Variants in ZNF385D observed in about 807,000 individuals in gnomAD.
ZNF385D encodes zinc finger protein 659.
In ZNF385D, 15 loss-of-function variants were observed where a neutral mutation model predicts 35.8. The observed-to-expected ratio is 0.42, with a 90% CI of 0.28 to 0.64. ZNF385D has a LOEUF of 0.64. Among genes scored for constraint, ZNF385D ranks in the 30% least tolerant of loss-of-function variants. The pLI is 0.23. For missense variants in ZNF385D, 474 were observed against 494.6 expected, an observed-to-expected ratio of 0.96 and a Z score of 0.39; for synonymous variants, 212 against 186.8, an observed-to-expected ratio of 1.13 and a Z score of -1.10.
At chr3:21,882,551 T>C (rs889658320) in intron 3 of ZNF385D, among the ~76,000 whole-genome samples, 9 of 152,162 alleles carry the variant, frequency 5.9e-5, no homozygotes, top group Admixed American at 2.0e-4. Flanking sequence ...ATTTGTTTTA[T>C]TGTGGTTGTT....
chr3:22,105,966 T>C (rs1355930093), intron 3 of ZNF385D, among the ~76,000 whole-genome samples: 1 of 152,212 alleles, frequency 6.6e-6, no homozygotes, highest in East Asian at 1.9e-4. Flanking sequence ...TTTTGAGTAA[T>C]CATAAATAAC....
intron 3 of ZNF385D, among the ~76,000 whole-genome samples, chr3:22,045,922 T>C (rs75112654): frequency 0.023 from 3,476 of 152,082 alleles, 56 homozygotes; most frequent in Non-Finnish European, 0.036. Context: ...TTTCTCTATC[T>C]CCAAGCCCCA....
At chr3:22,297,337 G>A (rs1005782255) in intron 2 of ZNF385D, among the ~76,000 whole-genome samples, 1 of 152,010 alleles carries the variant, frequency 6.6e-6, no homozygotes, top group Non-Finnish European at 1.5e-5. Context: ...TCTGAAAAAA[G>A]CTATCTTTTG....
chr3:21,663,100 A>G (rs1396962929), intron 2 of ZNF385D, among the ~76,000 whole-genome samples: 1 of 152,070 alleles, frequency 6.6e-6, no homozygotes, highest in Non-Finnish European at 1.5e-5. Context: ...CTTGACCAAC[A>G]CACAACGCTG....
At chr3:22,315,404 G>T (rs2125435955) in intron 2 of ZNF385D, among the ~76,000 whole-genome samples, 1 of 152,270 alleles carries the variant, frequency 6.6e-6, no homozygotes, top group African/African-American at 2.4e-5. Context: ...CTGACCTACG[G>T]ATGGTATTTT....
chr3:21,760,232 T>C (rs1007817443), intron 3 of ZNF385D, among the ~76,000 whole-genome samples: 1 of 152,164 alleles, frequency 6.6e-6, no homozygotes, highest in African/African-American at 2.4e-5. Context: ...GTTCTGGAAA[T>C]CTGCAGTATT....
At chr3:21,931,113 A>C (rs1191353862) in intron 3 of ZNF385D, among the ~76,000 whole-genome samples, 1 of 152,172 alleles carries the variant, frequency 6.6e-6, no homozygotes, top group East Asian at 1.9e-4. Context: ...CCAATAATAA[A>C]AAGACAAATA....
chr3:22,105,371 A>C (rs1015433203), intron 3 of ZNF385D, among the ~76,000 whole-genome samples: 7 of 151,946 alleles, frequency 4.6e-5, no homozygotes, highest in African/African-American at 1.7e-4. Context: ...ATATATCTAT[A>C]TCTCTCTCTA....
intron 3 of ZNF385D, among the ~76,000 whole-genome samples, chr3:22,124,931 A>C (rs1027979156): frequency 5.3e-5 from 8 of 151,890 alleles, no homozygotes; most frequent in African/African-American, 1.2e-4. Flanking sequence ...ATGTGACCCC[A>C]TTTGTCCAAT....
chr3:22,143,472 C>G (rs944781032), intron 3 of ZNF385D, among the ~76,000 whole-genome samples: 3 of 152,150 alleles, frequency 2.0e-5, no homozygotes, highest in African/African-American at 4.8e-5. Context: ...CACCTCTGTG[C>G]TCTCCAGAAG....
chr3:22,101,281 G>T (rs1299949732), intron 3 of ZNF385D, among the ~76,000 whole-genome samples: 2 of 151,890 alleles, frequency 1.3e-5, no homozygotes. Flanking sequence ...GATATATAAA[G>T]GGCTATAAGT....
intron 2 of ZNF385D, among the ~76,000 whole-genome samples, chr3:22,317,651 A>C (rs1477411581): frequency 5.3e-5 from 8 of 152,320 alleles, no homozygotes; most frequent in Admixed American, 3.9e-4. Flanking sequence ...CCTAGGAATA[A>C]GGGTAGGTAA....
intron 4 of ZNF385D, among the ~76,000 whole-genome samples, chr3:21,504,122 T>G (rs1453706818): frequency 6.6e-6 from 1 of 152,164 alleles, no homozygotes; most frequent in Middle Eastern, 3.2e-3. Context: ...GGGAGAAATG[T>G]TCTCAGACTT....
At chr3:21,947,772 A>AT (rs1274440987) in intron 3 of ZNF385D, among the ~76,000 whole-genome samples, 1 of 152,150 alleles carries the variant, frequency 6.6e-6, no homozygotes. Context: ...AAATATATCA[A>AT]TTTTTTAAAT....
chr3:21,855,220 T>C (rs957769413), intron 3 of ZNF385D, among the ~76,000 whole-genome samples: 3 of 152,044 alleles, frequency 2.0e-5, no homozygotes, highest in Non-Finnish European at 4.4e-5. Context: ...CCTTGCATAC[T>C]GTCTCAAAAT....
chr3:21,853,970 T>C (rs1277956028), intron 3 of ZNF385D, among the ~76,000 whole-genome samples: 3 of 151,850 alleles, frequency 2.0e-5, no homozygotes, highest in Non-Finnish European at 4.4e-5. Flanking sequence ...AATAATTTAA[T>C]ATTCTGGGAT....
intron 3 of ZNF385D, among the ~76,000 whole-genome samples, chr3:22,101,338 A>C (rs957556018): frequency 3.9e-5 from 6 of 152,174 alleles, no homozygotes; most frequent in Admixed American, 3.3e-4. Context: ...ATAGATACAC[A>C]TACATAACCT....
chr3:21,930,023 A>C (rs896926763), intron 3 of ZNF385D, among the ~76,000 whole-genome samples: 3 of 152,088 alleles, frequency 2.0e-5, no homozygotes, highest in Admixed American at 6.6e-5. Context: ...TAAAGTACTC[A>C]CACTTCTCAA....
At chr3:21,633,307 T>C (rs115718304) in intron 2 of ZNF385D, among the ~76,000 whole-genome samples, 38 of 152,182 alleles carry the variant, frequency 2.5e-4, no homozygotes, top group Middle Eastern at 3.4e-3. Context: ...AGCCAAATTA[T>C]TGTGTATGTC....
Sources: allele counts gnomAD v4.1 joint callset (sites outside exome capture counted in the v4.1 genomes callset), GRCh38; gene constraint gnomAD v4.1.1; transcripts MANE v1.5; gene names NCBI Gene and HGNC (gene_info 2026-07-23, HGNC 2026-07-21).